The following MGMT variants were observed in gnomAD, a reference collection of about 807,000 sequenced individuals.
MGMT encodes the protein methylated-DNA--protein-cysteine methyltransferase.
A neutral mutation model predicts 15.9 loss-of-function variants in MGMT; 14 were observed. The observed-to-expected ratio is 0.88, with a 90% confidence interval of 0.58 to 1.37. MGMT has a LOEUF of 1.37. Ranked by LOEUF, MGMT falls within the 40% of genes most tolerant of loss-of-function variation. The probability of loss-of-function intolerance (pLI) is 0.00; values close to 1 mark genes in which losing one functional copy is unlikely to be tolerated. For missense variants in MGMT, 282 were observed against 268.1 expected (o/e 1.05, Z -0.36); for synonymous variants, 130 against 118.2 (o/e 1.10, Z -0.65).
At chr10:129,663,541 T>C (rs1847624231) in intron 2 of MGMT, among the ~76,000 whole-genome samples, 1 of 152,122 alleles carries the variant, frequency 6.6e-6, no homozygotes, top group African/African-American at 2.4e-5. Flanking sequence ...GTAAATCAAA[T>C]TCTAGGTCCT....
chr10:129,469,883 T>C (rs1433766289), intron 1 of MGMT, among the ~76,000 whole-genome samples: 2 of 151,990 alleles, frequency 1.3e-5, no homozygotes, highest in East Asian at 1.9e-4. Context: ...ATTGTTGTTG[T>C]TGTTGTTTTT....
chr10:129,567,376 C>CT (rs1049711624), intron 2 of MGMT, among the ~76,000 whole-genome samples: 2 of 152,156 alleles, frequency 1.3e-5, no homozygotes, highest in Non-Finnish European at 2.9e-5. Context: ...AGCCAGTGGC[C>CT]TTCTTGCCCA....
rs139157376 is a variant in MGMT, at chr10:129,630,767, A to G, written c.126-77128A>G. The stretch of plus-strand genomic sequence containing the variant: ...AACTGGCAAAGGCTGCTAAATACCA[A>G]TTACTGAGTAAAGTGCCATGAGAAG... On this transcript the variant is annotated intron_variant, in intron 2 of 4. Transcript: ENST00000651593. Among the ~76,000 whole-genome samples the G allele has an allele frequency of 2.4e-3, 370 of 152,378 alleles. 1 individual carries two copies. Among genetic ancestry groups the G allele is most frequent in the African/African-American group, 8.0e-3 (333 of 41,588 alleles).
intron 1 of MGMT, among the ~76,000 whole-genome samples, chr10:129,468,918 G>T (rs772259283): frequency 2.6e-5 from 4 of 152,140 alleles, no homozygotes; most frequent in Non-Finnish European, 4.4e-5. Context: ...TCAAAATAAG[G>T]ATTTAACTAA....
At chr10:129,761,085 G>A (rs1031515214) in intron 4 of MGMT, among the ~76,000 whole-genome samples, 8 of 152,168 alleles carry the variant, frequency 5.3e-5, no homozygotes, top group Admixed American at 3.9e-4. Context: ...CCGGTTGTGA[G>A]TCAATTTTGA....
At chr10:129,541,993 C>G (rs553876269) in intron 2 of MGMT, among the ~76,000 whole-genome samples, 3 of 152,296 alleles carry the variant, frequency 2.0e-5, no homozygotes, top group Admixed American at 2.0e-4. Flanking sequence ...CTAGGCTGGC[C>G]TGACCCTAGA....
intron 1 of MGMT, among the ~76,000 whole-genome samples, chr10:129,471,551 G>A (rs1845231394): frequency 6.6e-6 from 1 of 152,150 alleles, no homozygotes; most frequent in Non-Finnish European, 1.5e-5. Flanking sequence ...GGCCTGACGA[G>A]TCACAGCCCC....
chr10:129,718,146 T>G (rs1266874730), intron 3 of MGMT, among the ~76,000 whole-genome samples: 1 of 152,230 alleles, frequency 6.6e-6, no homozygotes, highest in Non-Finnish European at 1.5e-5. Flanking sequence ...AGGCCAGGAC[T>G]TCTAATGCCC....
At chr10:129,746,697 A>G (rs1848699934) in intron 3 of MGMT, among the ~76,000 whole-genome samples, 2 of 152,154 alleles carry the variant, frequency 1.3e-5, no homozygotes, top group African/African-American at 2.4e-5. Context: ...CAATACTCCA[A>G]CAAGCTGGGT....
In MGMT at chr10:129,654,546, C is replaced by A. The variant is rs149687608; in HGVS notation, c.126-53349C>A. Among the ~76,000 whole-genome samples, 5 of 152,304 alleles carry A rather than the reference C, an allele frequency of 3.3e-5. No individual in the cohort carries two copies. The East Asian group carries it at 5.8e-4, about 18-fold the overall frequency. On this transcript the variant is annotated intron_variant, in intron 2 of 4. Coordinates refer to ENST00000651593, the MANE Select transcript of MGMT (RefSeq NM_002412.5). ...CACTGTGAACCTCAGATCGAGACAC[C>A]AGCCTCAGCGGGGGCTGAGATAGGG...
chr10:129,640,769 A>G (rs1222013618), intron 2 of MGMT, among the ~76,000 whole-genome samples: 2 of 152,206 alleles, frequency 1.3e-5, no homozygotes, highest in African/African-American at 2.4e-5. Flanking sequence ...ATGGAACATG[A>G]CCAACTTGAG....
At chr10:129,732,488 C>T (rs1848511184) in intron 3 of MGMT, among the ~76,000 whole-genome samples, 1 of 151,852 alleles carries the variant, frequency 6.6e-6, no homozygotes, top group Non-Finnish European at 1.5e-5. Flanking sequence ...ATGAACTCAT[C>T]CTTTTTTATG....
At chr10:129,657,203 C>T (rs954172541) in intron 2 of MGMT, among the ~76,000 whole-genome samples, 3 of 152,150 alleles carry the variant, frequency 2.0e-5, no homozygotes, top group Non-Finnish European at 2.9e-5. Flanking sequence ...TGTCCCTTAG[C>T]TTCCTTTCCT....
chr10:129,514,854 C>G (rs1845721350), intron 1 of MGMT, among the ~76,000 whole-genome samples: 1 of 152,230 alleles, frequency 6.6e-6, no homozygotes. Context: ...GCCACGCAGT[C>G]TATAGGATTT....
At chr10:129,733,030 GTCTTT>G (rs1848520053) in intron 3 of MGMT, among the ~76,000 whole-genome samples, 1 of 151,682 alleles carries the variant, frequency 6.6e-6, no homozygotes, top group African/African-American at 2.4e-5. Flanking sequence ...GTGTGCACGT[GTCTTT>G]ATAGCAGCAT....
At chr10:129,543,980 C>T (rs1446125193) in intron 2 of MGMT, among the ~76,000 whole-genome samples, 1 of 152,164 alleles carries the variant, frequency 6.6e-6, no homozygotes, top group Non-Finnish European at 1.5e-5. Flanking sequence ...AATGGGTTAA[C>T]TTCAGGCAGA....
At chr10:129,479,387 T>TTG (rs1845330833) in intron 1 of MGMT, among the ~76,000 whole-genome samples, 2 of 14,958 alleles carry the variant, frequency 1.3e-4, no homozygotes, top group Admixed American at 1.5e-3. Context: ...GATTGGTTGA[T>TTG]TTTTTTTTGT....
chr10:129,668,734 T>C (rs1350073304), intron 2 of MGMT, among the ~76,000 whole-genome samples: 1 of 152,220 alleles, frequency 6.6e-6, no homozygotes, highest in Non-Finnish European at 1.5e-5. Context: ...GACATTTCCA[T>C]TAGTATATAA....
intron 3 of MGMT, chr10:129,717,516 G>A (rs1848313359): frequency 1.3e-5 from 2 of 152,162 alleles, no homozygotes; most frequent in Admixed American, 1.3e-4. Context: ...TTAATGATTT[G>A]CAAATTGTCC....
Sources: allele counts gnomAD v4.1 joint callset (sites outside exome capture counted in the v4.1 genomes callset), GRCh38; gene constraint gnomAD v4.1.1; transcripts MANE v1.5; gene names NCBI Gene and HGNC (gene_info 2026-07-23, HGNC 2026-07-21).